CELF4: variants seen among roughly 807,000 people sequenced by gnomAD.
CELF4 encodes the protein CUG-BP- and ETR-3-like factor 4.
In CELF4, 18 loss-of-function variants were observed where a neutral mutation model predicts 59.9. That is an observed-to-expected ratio of 0.30 (90% CI 0.21 to 0.45). CELF4 has a LOEUF of 0.45. CELF4 is among the 20% of genes least tolerant of loss of function. CELF4 has a pLI of 1.00. For synonymous variants in CELF4, 261 were observed against 267.1 expected (o/e 0.98, Z 0.22); for missense variants, 456 against 689.0 (o/e 0.66, Z 3.79).
intron 2 of CELF4, among the ~76,000 whole-genome samples, chr18:37,375,230 G>A (rs1272744241): frequency 6.6e-6 from 1 of 152,182 alleles, no homozygotes; most frequent in Non-Finnish European, 1.5e-5. Context: ...AAATCTGCCT[G>A]CCTGGCAAAC....
Position 37,557,997 on chromosome 18 carries a change from C to CTTTTTTTT in CELF4, c.286+7351_286+7358dup, listed in dbSNP as rs34181233. ...GATGGTCCTGAAAACATCCCTTTTA[C>CTTTTTTTT]TTTTTTTTTTTTTTTTTTTTTTGAG... On this transcript the variant is annotated intron_variant, in intron 1 of 12. Transcript: ENST00000420428. Among the ~76,000 whole-genome samples the CTTTTTTTT allele has an allele frequency of 2.1e-3, 211 of 100,716 alleles. 8 individuals carry two copies. The highest frequency in any genetic ancestry group is 3.9e-3 in the East Asian group (13 of 3,312). The allele number at this position is 100,716 out of a possible 152,430, so 66.1% of individuals were successfully genotyped here.
intron 2 of CELF4, among the ~76,000 whole-genome samples, chr18:37,356,910 C>G (rs1190028379): frequency 2.0e-5 from 3 of 152,122 alleles, no homozygotes; most frequent in Non-Finnish European, 4.4e-5. Flanking sequence ...GCAGCCTCCC[C>G]TGGGACTTTT....
chr18:37,392,055 C>A (rs529805637), intron 2 of CELF4, among the ~76,000 whole-genome samples: 1 of 152,338 alleles, frequency 6.6e-6, no homozygotes, highest in South Asian at 2.1e-4. Context: ...TTCAGGGAGA[C>A]CCTGGGGGCT....
intron 2 of CELF4, among the ~76,000 whole-genome samples, chr18:37,345,466 A>C (rs2098219981): frequency 6.6e-6 from 1 of 152,118 alleles, no homozygotes; most frequent in African/African-American, 2.4e-5. Flanking sequence ...GGTGGGGGAC[A>C]CAGGCTCCCC....
At chr18:37,486,763 G>A (rs1350936492) in intron 1 of CELF4, among the ~76,000 whole-genome samples, 4 of 152,278 alleles carry the variant, frequency 2.6e-5, no homozygotes, top group East Asian at 1.9e-4. Context: ...TCTCTCTCAC[G>A]TGATCTTATC....
chr18:37,370,761 C>T lies in CELF4; in HGVS notation c.370-48880G>A, dbSNP rs540336472. Reference sequence around the variant, plus strand: ...GTTGGCCCTGCTCAGCTTCACAATGCTGGCTCTGTGACCAAATGTCACGTG... The same window carrying T: ...GTTGGCCCTGCTCAGCTTCACAATGTTGGCTCTGTGACCAAATGTCACGTG... On this transcript the variant is annotated intron_variant, in intron 2 of 12. Coordinates refer to ENST00000420428, the MANE Select transcript of CELF4 (RefSeq NM_020180.4). Among the ~76,000 whole-genome samples the T allele has an allele frequency of 1.2e-4, 18 of 152,320 alleles. No individual in the cohort carries two copies. The South Asian group carries it at 3.7e-3, about 32-fold the overall frequency.
At chr18:37,349,249 C>G (rs2098383099) in intron 2 of CELF4, among the ~76,000 whole-genome samples, 1 of 152,214 alleles carries the variant, frequency 6.6e-6, no homozygotes, top group East Asian at 1.9e-4. Context: ...GAACTCGCAT[C>G]AAGGATAGCC....
At chr18:37,540,792 G>A (rs1209183757) in intron 1 of CELF4, among the ~76,000 whole-genome samples, 1 of 152,210 alleles carries the variant, frequency 6.6e-6, no homozygotes, top group Non-Finnish European at 1.5e-5. Flanking sequence ...ATTTAGGTGG[G>A]AGCATGGGAG....
intron 12 of CELF4, among the ~76,000 whole-genome samples, chr18:37,250,660 T>A (rs1186379180): frequency 6.6e-6 from 1 of 152,152 alleles, no homozygotes; most frequent in African/African-American, 2.4e-5. Flanking sequence ...TTTTAGCTGA[T>A]TTTTTGTGCC....
chr18:37,310,071 A>G lies in CELF4; in HGVS notation c.448+11732T>C, dbSNP rs140291061. Among the ~76,000 whole-genome samples, 19 of 151,720 alleles carry G rather than the reference A, an allele frequency of 1.3e-4. No individual in the cohort carries two copies. The East Asian group carries it at 3.3e-3, about 26-fold the overall frequency. ...CCCCTGCCACCTCCTCTCTTTTCCC[A>G]TGGACTGGACTATAAAAATAAAATG... On this transcript the variant is annotated intron_variant, in intron 3 of 12. Transcript: ENST00000420428.
At chr18:37,333,333 C>T (rs2097624908) in intron 2 of CELF4, among the ~76,000 whole-genome samples, 1 of 151,166 alleles carries the variant, frequency 6.6e-6, no homozygotes, top group Non-Finnish European at 1.5e-5. Flanking sequence ...TCCCCCTCCA[C>T]TCCCTCCTCT....
chr18:37,355,190 CAT>C (rs2098542798), intron 2 of CELF4, among the ~76,000 whole-genome samples: 1 of 152,142 alleles, frequency 6.6e-6, no homozygotes, highest in South Asian at 2.1e-4. Flanking sequence ...ACATACAGGA[CAT>C]AGAGTTGTGT....
chr18:37,318,338 T>C (rs569727932), intron 3 of CELF4, among the ~76,000 whole-genome samples: 1 of 150,578 alleles, frequency 6.6e-6, no homozygotes, highest in African/African-American at 2.4e-5. Flanking sequence ...CCTTCCCTTC[T>C]CTCCTCTCCT....
At chr18:37,559,332 ACCC>A (rs2099985860) in intron 1 of CELF4, among the ~76,000 whole-genome samples, 1 of 151,772 alleles carries the variant, frequency 6.6e-6, no homozygotes, top group South Asian at 2.1e-4. Flanking sequence ...TCACTCCAAC[ACCC>A]ACACAGGCTG....
At position 37,485,620 on chromosome 18, in the gene CELF4, G is replaced by A; in HGVS notation, c.287-13C>T. 1 of 1,431,450 alleles carries A rather than the reference G, an allele frequency of 7.0e-7. No homozygotes were observed. The allele number at this position is 1,431,450 out of a possible 1,614,324, so 88.7% of individuals were successfully genotyped here. On this transcript the variant is annotated splice_polypyrimidine_tract_variant and intron_variant, in intron 1 of 12. Transcript: ENST00000420428. Reference sequence around the variant, plus strand: ...AGGAAGGCGCAGCCTGGGGAGGAAAGCAAGCGCCAAGAAGGGTCAGTGGGG... The same window carrying A: ...AGGAAGGCGCAGCCTGGGGAGGAAAACAAGCGCCAAGAAGGGTCAGTGGGG...
chr18:37,279,650 G>C lies in CELF4; in HGVS notation c.449-4407C>G, dbSNP rs866033488. Among the ~76,000 whole-genome samples, 25 of 152,308 alleles carry C rather than the reference G, an allele frequency of 1.6e-4. No homozygotes were observed. The Middle Eastern group carries it at 0.01, about 62-fold the overall frequency. On this transcript the variant is annotated intron_variant, in intron 3 of 12. Transcript: ENST00000420428. ...GCTGCTCGTTGGAACTGGCATCTGG[G>C]TGGAGAGACAGGCCATCCACAATAC... is the stretch of plus-strand genomic sequence containing the variant.
At chr18:37,376,815 G>C (rs769746623) in intron 2 of CELF4, among the ~76,000 whole-genome samples, 20 of 152,224 alleles carry the variant, frequency 1.3e-4, no homozygotes, top group Non-Finnish European at 2.5e-4. Flanking sequence ...CTGGAGTTCA[G>C]TTCATGCTAG....
At chr18:37,556,316 G>T (rs1436400270) in intron 1 of CELF4, among the ~76,000 whole-genome samples, 1 of 152,204 alleles carries the variant, frequency 6.6e-6, no homozygotes, top group African/African-American at 2.4e-5. Context: ...CTTTATCTAT[G>T]CAGTGGCAAC....
chr18:37,546,646 G>A (rs747982707), intron 1 of CELF4, among the ~76,000 whole-genome samples: 57 of 152,260 alleles, frequency 3.7e-4, no homozygotes, highest in Non-Finnish European at 5.9e-4. Context: ...CCAGAACAGC[G>A]TAGAAAACAC....
Sources: gnomAD v4.1 joint callset for allele counts (sites outside exome capture counted in the v4.1 genomes callset) on GRCh38, gnomAD v4.1.1 for gene constraint, MANE v1.5 for transcripts, NCBI Gene and HGNC (gene_info 2026-07-23, HGNC 2026-07-21) for gene names.